Variants in ATP10B observed in about 807,000 individuals in gnomAD.
ATP10B encodes phospholipid-transporting ATPase VB.
ATP10B carries 122 observed loss-of-function variants against 141.2 expected under a neutral mutation model. The ratio of observed to expected loss-of-function variants is 0.86; its 90% CI spans 0.75 to 1.00. The LOEUF (loss-of-function observed/expected upper bound fraction) is 1.00, where lower values mean the gene tolerates loss of function less well. Among genes scored for constraint, ATP10B ranks in the 50% least tolerant of loss-of-function variants. The probability of loss-of-function intolerance (pLI) is 0.00; values close to 1 mark genes in which losing one functional copy is unlikely to be tolerated. For synonymous variants in ATP10B, 685 were observed against 692.0 expected, an observed-to-expected ratio of 0.99 and a Z score of 0.16; for missense variants, 1,876 against 1,825.3, an observed-to-expected ratio of 1.03 and a Z score of -0.51.
chr5:160,923,451 G>A, the ATP10B span, among the ~76,000 whole-genome samples: 1 of 152,210 alleles, frequency 6.6e-6, no homozygotes, highest in Non-Finnish European at 1.5e-5. Context: ...TGGAGGTTAA[G>A]TGAAAAGGTA....
intron 7 of ATP10B, among the ~76,000 whole-genome samples, chr5:160,659,866 C>T (rs370799656): frequency 6.6e-6 from 1 of 151,998 alleles, no homozygotes; most frequent in Non-Finnish European, 1.5e-5. Flanking sequence ...GAATATTTCC[C>T]GCAATGGGAT....
Position 160,565,260 on chromosome 5 carries a change from C to T in ATP10B, c.*193G>A. On this transcript the variant is annotated 3_prime_UTR_variant, in exon 26 of 26. Transcript: ENST00000327245. ...TGTGCTGCCTGAGAGCAGCAGAAAA[C>T]TAGAGGCCGACTGGGTTTCCCGTCT... is the stretch of plus-strand genomic sequence containing the variant. 2 of 607,620 alleles carry T rather than the reference C, an allele frequency of 3.3e-6. No individual in the cohort carries two copies. The highest frequency in any genetic ancestry group is 4.3e-5 in the South Asian group (2 of 46,826). The allele number at this position is 607,620 out of a possible 1,614,324, so 37.6% of individuals were successfully genotyped here.
chr5:160,918,413 G>A, the ATP10B span, among the ~76,000 whole-genome samples: 1 of 152,310 alleles, frequency 6.6e-6, no homozygotes, highest in Admixed American at 6.5e-5. Context: ...GCTCTGAAGG[G>A]TTAAAATCAG....
At chr5:160,841,257 A>T (rs1429059553) in intron 1 of ATP10B, among the ~76,000 whole-genome samples, 2 of 152,204 alleles carry the variant, frequency 1.3e-5, no homozygotes, top group Non-Finnish European at 2.9e-5. Flanking sequence ...ATCTCTACGA[A>T]CTGATGTAGA....
chr5:160,729,894 C>G (rs1766618429), intron 2 of ATP10B, among the ~76,000 whole-genome samples: 1 of 152,074 alleles, frequency 6.6e-6, no homozygotes. Flanking sequence ...GCATTTTAAT[C>G]TTACTTGATA....
chr5:160,595,172 A>C (rs865964173), intron 22 of ATP10B, among the ~76,000 whole-genome samples: 11 of 152,234 alleles, frequency 7.2e-5, no homozygotes, highest in South Asian at 6.2e-4. Context: ...GTAAAAGAAC[A>C]GAAATTATAG....
At chr5:160,896,530 T>C in the ATP10B span, among the ~76,000 whole-genome samples, 1 of 152,100 alleles carries the variant, frequency 6.6e-6, no homozygotes, top group African/African-American at 2.4e-5. Flanking sequence ...AATAACAAGT[T>C]CTGAAATTGA....
chr5:160,755,454 C>G (rs1028488068), intron 2 of ATP10B, among the ~76,000 whole-genome samples: 1 of 151,998 alleles, frequency 6.6e-6, no homozygotes, highest in Non-Finnish European at 1.5e-5. Flanking sequence ...CTATTACACA[C>G]CTAGGCTATA....
chr5:160,622,031 C>T (rs1055552956), intron 14 of ATP10B, among the ~76,000 whole-genome samples: 1 of 152,098 alleles, frequency 6.6e-6, no homozygotes, highest in African/African-American at 2.4e-5. Context: ...AAGGTCCTGC[C>T]TCATAGAGTT....
At chr5:160,636,042 C>G in intron 11 of ATP10B, 140 bp downstream of exon 11, 2 of 1,022,748 alleles carry the variant, frequency 2.0e-6, no homozygotes, top group Non-Finnish European at 2.7e-6. Context: ...CAAAGACGCA[C>G]AAGAAAGCGA....
intron 22 of ATP10B, among the ~76,000 whole-genome samples, chr5:160,596,423 C>T (rs1278335037): frequency 7.3e-6 from 1 of 137,278 alleles, no homozygotes; most frequent in Non-Finnish European, 1.6e-5. Flanking sequence ...ACGACAAACC[C>T]ACAGCCAATA....
At chr5:160,833,718 A>C (rs1775249605) in intron 1 of ATP10B, among the ~76,000 whole-genome samples, 1 of 152,144 alleles carries the variant, frequency 6.6e-6, no homozygotes, top group South Asian at 2.1e-4. Flanking sequence ...ACAGATGGAG[A>C]AATTTAGCTG....
intron 2 of ATP10B, among the ~76,000 whole-genome samples, chr5:160,765,563 C>T (rs1561831048): frequency 6.6e-6 from 1 of 152,122 alleles, no homozygotes; most frequent in Non-Finnish European, 1.5e-5. Context: ...AAAATCAACT[C>T]AAGTTGGATC....
chr5:160,836,930 C>T (rs546317046), intron 1 of ATP10B, among the ~76,000 whole-genome samples: 1 of 152,216 alleles, frequency 6.6e-6, no homozygotes, highest in East Asian at 1.9e-4. Flanking sequence ...TCAAATATTC[C>T]CTTGCTCAAG....
intron 2 of ATP10B, among the ~76,000 whole-genome samples, chr5:160,781,888 C>T (rs1212923669): frequency 6.6e-6 from 1 of 152,148 alleles, no homozygotes; most frequent in East Asian, 1.9e-4. Context: ...TCTTGACTGA[C>T]AAGGATGGTC....
chr5:160,811,233 G>C (rs377430011), intron 1 of ATP10B, among the ~76,000 whole-genome samples: 2 of 152,282 alleles, frequency 1.3e-5, no homozygotes, highest in South Asian at 4.1e-4. Context: ...GGCTTCAGGC[G>C]AGACTCAGCA....
intron 7 of ATP10B, among the ~76,000 whole-genome samples, chr5:160,667,752 A>G (rs1356484238): frequency 6.6e-6 from 1 of 152,150 alleles, no homozygotes; most frequent in African/African-American, 2.4e-5. Flanking sequence ...AAACTATCTG[A>G]CTAATTAATA....
intron 2 of ATP10B, among the ~76,000 whole-genome samples, chr5:160,749,201 GGT>G (rs1767994033): frequency 6.6e-6 from 1 of 152,192 alleles, no homozygotes; most frequent in African/African-American, 2.4e-5. Flanking sequence ...ACACAGTGAG[GGT>G]GCAGGGAGAG....
intron 2 of ATP10B, among the ~76,000 whole-genome samples, chr5:160,771,962 A>C (rs182228850): frequency 1.0e-3 from 156 of 152,370 alleles, no homozygotes; most frequent in African/African-American, 3.6e-3. Flanking sequence ...AGCCTGGATA[A>C]GGCCGACTAA....
Sources: allele counts gnomAD v4.1 joint callset (sites outside exome capture counted in the v4.1 genomes callset), GRCh38; gene constraint gnomAD v4.1.1; transcripts MANE v1.5; gene names NCBI Gene and HGNC (gene_info 2026-07-23, HGNC 2026-07-21).